Variants in CFI observed in about 807,000 individuals in gnomAD.
CFI encodes C3B/C4B inactivator.
A neutral mutation model predicts 78.8 loss-of-function variants in CFI; 66 were observed. The observed-to-expected ratio is 0.84, with a 90% CI of 0.69 to 1.03. The LOEUF (loss-of-function observed/expected upper bound fraction) is 1.03. Ranked by LOEUF, CFI falls within the 50% of genes least tolerant of loss-of-function variation. CFI has a pLI of 0.00. For missense variants in CFI, 706 were observed against 704.5 expected (o/e 1.00, Z -0.02); for synonymous variants, 250 against 232.6 (o/e 1.07, Z -0.68).
intron 7 of CFI, among the ~76,000 whole-genome samples, chr4:109,754,051 T>C (rs1342278043): frequency 6.6e-6 from 1 of 151,318 alleles, no homozygotes; most frequent in Non-Finnish European, 1.5e-5. Flanking sequence ...TGGCACGATC[T>C]CGGCTCACTG....
chr4:109,749,167 C>A (rs1393464268), intron 10 of CFI, 51 bp downstream of exon 10: 2 of 1,447,880 alleles, frequency 1.4e-6, no homozygotes, highest in Admixed American at 3.3e-5. Context: ...ATCTCTATTA[C>A]TCACTTTCAT....
chr4:109,778,261 A>G (rs1040041600), intron 1 of CFI, among the ~76,000 whole-genome samples: 15 of 152,166 alleles, frequency 9.9e-5, no homozygotes, highest in Non-Finnish European at 1.9e-4. Context: ...AGAAAAGAGA[A>G]GAATCAAATA....
chr4:109,801,411 T>C (rs1732756867), intron 1 of CFI, among the ~76,000 whole-genome samples: 1 of 152,234 alleles, frequency 6.6e-6, no homozygotes, highest in Non-Finnish European at 1.5e-5. Flanking sequence ...AAGTGATTTG[T>C]CCTCTCATTG....
At chr4:109,797,120 A>G (rs1156951892) in intron 1 of CFI, among the ~76,000 whole-genome samples, 3 of 152,246 alleles carry the variant, frequency 2.0e-5, no homozygotes, top group African/African-American at 7.2e-5. Flanking sequence ...TAGCCAAAAC[A>G]ATTTTTTGAG....
At chr4:109,801,274 C>G (rs1209317311) in intron 1 of CFI, among the ~76,000 whole-genome samples, 1 of 152,192 alleles carries the variant, frequency 6.6e-6, no homozygotes, top group Non-Finnish European at 1.5e-5. Context: ...GTAGCACTTG[C>G]TGCTTTTCCT....
At chr4:109,784,397 G>T (rs1730489245) in intron 1 of CFI, among the ~76,000 whole-genome samples, 1 of 152,018 alleles carries the variant, frequency 6.6e-6, no homozygotes, top group South Asian at 2.1e-4. Context: ...TTGGAGGAGG[G>T]TATAGGGTTA....
intron 1 of CFI, among the ~76,000 whole-genome samples, chr4:109,776,043 A>C (rs1442602535): frequency 6.6e-6 from 1 of 152,202 alleles, no homozygotes; most frequent in Non-Finnish European, 1.5e-5. Flanking sequence ...AAACCAGAGA[A>C]GAAAAGCTGA....
chr4:109,788,245 T>A (rs1730986927), intron 1 of CFI, among the ~76,000 whole-genome samples: 1 of 152,118 alleles, frequency 6.6e-6, no homozygotes, highest in African/African-American at 2.4e-5. Flanking sequence ...TCCCTGGAAG[T>A]GAAATTGCTG....
the CFI span, among the ~76,000 whole-genome samples, chr4:109,733,251 C>A: frequency 3.4e-4 from 52 of 152,214 alleles, 1 homozygote; most frequent in Non-Finnish European, 1.5e-5. Context: ...GGGATTACAA[C>A]ATGAGCCACT....
chr4:109,782,898 G>A (rs745586837), intron 1 of CFI, among the ~76,000 whole-genome samples: 10 of 151,962 alleles, frequency 6.6e-5, no homozygotes, highest in Admixed American at 2.0e-4. Context: ...ACTGATCTTC[G>A]ACAAAGCAAG....
intron 1 of CFI, among the ~76,000 whole-genome samples, chr4:109,790,137 T>C (rs1731200356): frequency 6.6e-6 from 1 of 152,082 alleles, no homozygotes; most frequent in African/African-American, 2.4e-5. Context: ...TTCTTATTTC[T>C]GTAAGATCAG....
At chr4:109,791,754 G>C (rs1304969849) in intron 1 of CFI, among the ~76,000 whole-genome samples, 1 of 151,972 alleles carries the variant, frequency 6.6e-6, no homozygotes, top group Non-Finnish European at 1.5e-5. Flanking sequence ...TACTTGTAAG[G>C]GTGCAGCCTT....
chr4:109,786,976 G>C (rs1483258004), intron 1 of CFI, among the ~76,000 whole-genome samples: 4 of 151,960 alleles, frequency 2.6e-5, no homozygotes, highest in South Asian at 2.1e-4. Flanking sequence ...TTGTGCAACT[G>C]GGTTTGTCCT....
Position 109,764,611 on chromosome 4 carries a change from C to T in CFI, c.408G>A (p.Lys136=). 6.2e-7 allele frequency: 1 copy of T among 1,614,074 alleles called. No homozygotes were observed. The highest frequency in any genetic ancestry group is 8.5e-7 in the Non-Finnish European group (1 of 1,179,982). ...AGCTGCTTTTGCATATGAACATTGT[C>T]TTATCTTGGTCCACAAGTTTTACTT... is the stretch of plus-strand genomic sequence containing the variant. ...IVEVKLVDQD[K]TMFICKSSWS... is the part of the protein sequence containing the mutation. Residue 136 remains lysine, a synonymous_variant, in exon 3 of 13, where the codon AAG becomes AAA. Transcript: ENST00000394634.
chr4:109,776,002 C>T (rs1417466910), intron 1 of CFI, among the ~76,000 whole-genome samples: 1 of 152,088 alleles, frequency 6.6e-6, no homozygotes, highest in East Asian at 1.9e-4. Flanking sequence ...CATCAAAGAC[C>T]AAAGGCAGAT....
intron 6 of CFI, 23 bp downstream of exon 6, chr4:109,760,247 G>C: frequency 5.1e-6 from 8 of 1,554,036 alleles, no homozygotes; most frequent in Non-Finnish European, 6.2e-6. Context: ...ATGAAAAAAA[G>C]TCACCCCAAG....
intron 3 of CFI, among the ~76,000 whole-genome samples, chr4:109,763,665 C>T (rs1727363117): frequency 6.6e-6 from 1 of 151,894 alleles, no homozygotes; most frequent in South Asian, 2.1e-4. Flanking sequence ...AACAGAGCAG[C>T]TAATTCTATT....
rs993671321 is a variant in CFI at position 109,766,915 on chromosome 4, C to G, written c.58-91G>C. ...GTGAAGGAAAAGAGCAAAACAGATA[C>G]AGCCCACAGTACAGATGAGGATGGT... is the stretch of plus-strand genomic sequence containing the variant. On this transcript the variant is annotated intron_variant, in intron 1 of 12. Coordinates refer to ENST00000394634, the MANE Select transcript of CFI (RefSeq NM_000204.5). The G allele has an allele frequency of 3.9e-6, 5 of 1,270,338 alleles. 1 individual carries two copies. The South Asian group carries it at 6.1e-5, about 15-fold the overall frequency. The allele number at this position is 1,270,338 out of a possible 1,614,324, so 78.7% of individuals were successfully genotyped here. A position where few individuals can be genotyped will look rare whatever the true frequency, so the allele number is the denominator to read the frequency against.
intron 1 of CFI, among the ~76,000 whole-genome samples, chr4:109,781,125 A>C (rs944694035): frequency 6.6e-6 from 1 of 152,224 alleles, no homozygotes; most frequent in African/African-American, 2.4e-5. Context: ...GTGCACATGC[A>C]GCCTAGAACT....
Sources: allele counts gnomAD v4.1 joint callset (sites outside exome capture counted in the v4.1 genomes callset), GRCh38; gene constraint gnomAD v4.1.1; transcripts MANE v1.5; gene names NCBI Gene and HGNC (gene_info 2026-07-23, HGNC 2026-07-21).